The following LRP2 variants were observed in gnomAD, a reference collection of about 807,000 sequenced individuals.
LRP2 encodes the protein low-density lipoprotein receptor-related protein 2.
LRP2 carries 172 observed loss-of-function variants against 531.0 expected under a neutral mutation model. That is an observed-to-expected ratio of 0.32 (90% confidence interval 0.29 to 0.37). LRP2 has a LOEUF of 0.37. Ranked by LOEUF, LRP2 falls within the 10% of genes least tolerant of loss-of-function variation. LRP2 has a pLI of 1.00. For synonymous variants in LRP2, 1,992 were observed against 2,027.6 expected (o/e 0.98, Z 0.47); for missense variants, 5,167 against 5,868.3 (o/e 0.88, Z 3.90).
rs374555991 is a variant in LRP2, at chr2:169,145,464, C to T, written c.12988+283G>A. On this transcript the variant is annotated intron_variant, in intron 70 of 78. Coordinates refer to ENST00000649046, the MANE Select transcript of LRP2 (RefSeq NM_004525.3). ...ACTGATGTCTGCTGGATTCTGTGGC[C>T]TAGAAGTACATATCCATCACTCCAA... Among the ~76,000 whole-genome samples the T allele has an allele frequency of 4.6e-5, 7 of 152,312 alleles. 1 individual carries two copies. Among genetic ancestry groups the T allele is most frequent in the East Asian group, 1.9e-4 (1 of 5,182 alleles).
In LRP2 at chr2:169,289,144, A is replaced by G. The variant is rs757303184; in HGVS notation, c.924T>C (p.Ser308=). The G allele has an allele frequency of 1.9e-6, 3 of 1,613,956 alleles. No individual in the cohort carries two copies. The African/African-American group carries it at 4.0e-5, about 22-fold the overall frequency. The change falls in exon 9 of 79, where the codon AGT becomes AGC. Residue 308 remains serine, a splice_region_variant and synonymous_variant. Coordinates refer to ENST00000649046, the MANE Select transcript of LRP2 (RefSeq NM_004525.3). ...AGTTCAAGGCAGAGCACAGAGTCAT[A>G]CCTAAACGAAGAAAAGAACTTTGTT... ...ENNTSTGKYC[S]MTLCSALNCQ... is the part of the protein sequence containing the mutation.
rs1393908932 is a variant in LRP2, at chr2:169,137,477, A to G, written c.13535T>C (p.Met4512Thr). The G allele has an allele frequency of 1.4e-5, 23 of 1,610,292 alleles. No individual in the cohort carries two copies. The highest frequency in any genetic ancestry group is 1.8e-5 in the Non-Finnish European group (21 of 1,176,698). ...RSMAMSEDFVMEMGKQPIIFE... is the reference protein window; with the variant it reads ...RSMAMSEDFVTEMGKQPIIFE... Reference sequence around the variant, plus strand: ...TATTATGGGCTGCTTCCCCATTTCCATGACAAAGTCTTCACTCTGATGGCA... The same window carrying G: ...TATTATGGGCTGCTTCCCCATTTCCGTGACAAAGTCTTCACTCTGATGGCA... The change falls in exon 76 of 79, where the codon ATG becomes ACG. Residue 4512 changes from methionine to threonine, a missense_variant. Around this residue, in one of 6 missense-constraint regions of LRP2, gnomAD observed 348 missense variants for 369.3 expected, o/e 0.94. Coordinates refer to ENST00000649046, the MANE Select transcript of LRP2 (RefSeq NM_004525.3).
At chr2:169,132,706 C>A in intron 76 of LRP2, 25 bp from the exon 77 acceptor site, 1 of 1,111,038 alleles carries the variant, frequency 9.0e-7, no homozygotes, top group Non-Finnish European at 1.4e-6. Context: ...AAGGCCTTTA[C>A]CCAATTTTGA....
chr2:169,244,922 A>G lies in LRP2; in HGVS notation c.3201T>C (p.Cys1067=), dbSNP rs775400297. The stretch of plus-strand genomic sequence containing the variant: ...GGCCACAGGTGAACGCCGAAGATGA[A>G]CAGGTATTATCTACAATAGTAACAA... ...EQLCGTLNNT[C]SSSAFTCGHG... is the part of the protein sequence containing the mutation. Residue 1067 remains cysteine (C), a synonymous_variant, in exon 22 of 79, where the codon TGT becomes TGC. Coordinates refer to ENST00000649046, the MANE Select transcript of LRP2 (RefSeq NM_004525.3). 21 of 1,614,112 alleles carry G rather than the reference A, an allele frequency of 1.3e-5. No homozygotes were observed. In the South Asian group the frequency reaches 2.3e-4, roughly 18 times the overall value.
intron 52 of LRP2, among the ~76,000 whole-genome samples, chr2:169,180,747 C>A (rs1687398117): frequency 6.6e-6 from 1 of 152,206 alleles, no homozygotes; most frequent in Admixed American, 6.5e-5. Context: ...ACAGGCTGTT[C>A]CTGGATCGTT....
chr2:169,281,643 G>C (rs936494865), intron 10 of LRP2, among the ~76,000 whole-genome samples: 19 of 151,772 alleles, frequency 1.3e-4, no homozygotes, highest in African/African-American at 4.4e-4. Context: ...GCCTGAACCC[G>C]GGAGGCGGAG....
chr2:169,338,080 C>G (rs1055944305), intron 1 of LRP2, among the ~76,000 whole-genome samples: 1 of 151,456 alleles, frequency 6.6e-6, no homozygotes, highest in African/African-American at 2.4e-5. Flanking sequence ...GCACTGCACT[C>G]CAGCCTGACT....
chr2:169,284,506 A>G (rs764365280), intron 9 of LRP2, among the ~76,000 whole-genome samples: 6 of 151,920 alleles, frequency 3.9e-5, no homozygotes, highest in Non-Finnish European at 7.4e-5. Flanking sequence ...ATCTCAAGTA[A>G]GCAGCTTGCC....
chr2:169,185,761 T>A lies in LRP2; in HGVS notation c.9587A>T (p.Asn3196Ile). The A allele has an allele frequency of 6.2e-7, 1 of 1,613,904 alleles. No homozygotes were observed. Among genetic ancestry groups the A allele is most frequent in the Non-Finnish European group, 8.5e-7 (1 of 1,179,938 alleles). Residue 3196 changes from asparagine (N) to isoleucine (I), a missense_variant, in exon 50 of 79, where the codon AAC becomes ATC. Around this residue, in one of 6 missense-constraint regions of LRP2, gnomAD observed 1,129 missense variants for 1,362.7 expected, o/e 0.83. Transcript: ENST00000649046. Reference sequence around the variant, plus strand: ...GCTAAAAATGAGATAGGGTTCGATGTTACTGTTTTGCCGGCAGGTCTTTCC... The same window carrying A: ...GCTAAAAATGAGATAGGGTTCGATGATACTGTTTTGCCGGCAGGTCTTTCC... The part of the protein sequence containing the change: ...PDGKTCRQNS[N>I]IEPYLIFSNR...
intron 35 of LRP2, among the ~76,000 whole-genome samples, chr2:169,215,647 C>A (rs1208172369): frequency 6.7e-6 from 1 of 149,630 alleles, no homozygotes; most frequent in Non-Finnish European, 1.5e-5. Context: ...ATACCTATAT[C>A]CTATACAGAT....
At position 169,152,839 on chromosome 2, in the gene LRP2, C is replaced by A; in HGVS notation, c.12421G>T (p.Val4141Leu). 1.2e-6 allele frequency: 2 copies of A among 1,614,078 alleles called. No homozygotes were observed. Among genetic ancestry groups the A allele is most frequent in the Non-Finnish European group, 1.7e-6 (2 of 1,179,944 alleles). The change falls in exon 67 of 79, where the codon GTA (valine) becomes TTA (leucine). Residue 4141 changes from valine (V) to leucine (L), a missense_variant. Val to Leu is a conservative substitution (Grantham distance 32). Around this residue, in one of 6 missense-constraint regions of LRP2, gnomAD observed 564 missense variants for 747.7 expected, o/e 0.75. Transcript: ENST00000649046. ...VQEVDLKLKY[V>L]MQPDGIAVDW... ...ACTGCTATTCCATCTGGCTGCATTA[C>A]GTATTTCAGTTTCAGGTCAACTTCC...
At position 169,247,003 on chromosome 2, in the gene LRP2, C is replaced by G. The variant is rs370441813; in HGVS notation, c.2909-17G>C. ...CGTTAGAACCTGCAAAAGCAAAGCC[C>G]CGAGGGAGTCAGTCATGTACATTTT... On this transcript the variant is annotated splice_polypyrimidine_tract_variant and intron_variant, in intron 20 of 78. Coordinates refer to ENST00000649046, the MANE Select transcript of LRP2 (RefSeq NM_004525.3). 4 of 1,613,408 alleles carry G rather than the reference C, an allele frequency of 2.5e-6. No homozygotes were observed. The highest frequency in any genetic ancestry group is 2.2e-5 in the East Asian group (1 of 44,882).
intron 1 of LRP2, among the ~76,000 whole-genome samples, chr2:169,345,932 C>T (rs1685687106): frequency 6.6e-6 from 1 of 152,144 alleles, no homozygotes; most frequent in African/African-American, 2.4e-5. Context: ...AACAGGAAGG[C>T]CCTGGAGGGA....
intron 33 of LRP2, among the ~76,000 whole-genome samples, chr2:169,222,083 A>G (rs138132097): frequency 6.6e-6 from 1 of 152,312 alleles, no homozygotes; most frequent in African/African-American, 2.4e-5. Context: ...ATACAGGTAA[A>G]CAGAAAGTGA....
chr2:169,362,303 C>A lies in LRP2; in HGVS notation c.79+18G>T. The A allele has an allele frequency of 6.5e-7, 1 of 1,549,596 alleles. No homozygotes were observed. The highest frequency in any genetic ancestry group is 1.2e-5 in the South Asian group (1 of 84,140). On this transcript the variant is annotated intron_variant, in intron 1 of 78. Transcript: ENST00000649046. ...GGGGAAGTGGGGGCTCCACGAGAGGCTCTGGCTGGGCTCTTACCTTGGCCA... is the reference window on the plus strand; with the variant it reads ...GGGGAAGTGGGGGCTCCACGAGAGGATCTGGCTGGGCTCTTACCTTGGCCA...
In LRP2 at chr2:169,243,400, T is replaced by C; in HGVS notation, c.3550+3A>G. 1.2e-6 allele frequency: 2 copies of C among 1,614,072 alleles called. No homozygotes were observed. The highest frequency in any genetic ancestry group is 1.7e-6 in the Non-Finnish European group (2 of 1,179,954). The stretch of plus-strand genomic sequence containing the variant: ...TGAATAAAAAAGAAGGCAATGCACT[T>C]ACCACAACCAACCTCATCAGATCCA... On this transcript the variant is annotated splice_donor_region_variant and intron_variant, in intron 23 of 78. Transcript: ENST00000649046.
intron 32 of LRP2, 128 bp downstream of exon 32, chr2:169,226,294 A>T: frequency 1.3e-6 from 1 of 749,632 alleles, no homozygotes; most frequent in South Asian, 1.7e-5. Flanking sequence ...CAAAAAACTT[A>T]GGGATAAATT....
chr2:169,344,189 A>G (rs2105564049), intron 1 of LRP2, among the ~76,000 whole-genome samples: 1 of 152,234 alleles, frequency 6.6e-6, no homozygotes, highest in African/African-American at 2.4e-5. Flanking sequence ...TTACATAAGC[A>G]TGCACATGCC....
intron 31 of LRP2, among the ~76,000 whole-genome samples, chr2:169,231,222 A>G (rs1689385767): frequency 6.6e-6 from 1 of 152,032 alleles, no homozygotes; most frequent in Non-Finnish European, 1.5e-5. Flanking sequence ...GGGGCCCGGA[A>G]AGTGGAGGCT....
Sources: gnomAD v4.1 joint callset for allele counts (sites outside exome capture counted in the v4.1 genomes callset) on GRCh38, gnomAD v4.1.1 for gene constraint, gnomAD v4.1.1 regional missense constraint, MANE v1.5 for transcripts, NCBI Gene and HGNC (gene_info 2026-07-23, HGNC 2026-07-21) for gene names.